The following MALRD1 variants were observed in gnomAD, a reference collection of about 807,000 sequenced individuals.
The protein encoded by MALRD1 is MAM and LDL-receptor class A domain-containing protein 1.
MALRD1 carries 247 observed loss-of-function variants against 242.1 expected under a neutral mutation model. The observed-to-expected ratio is 1.02, with a 90% CI of 0.92 to 1.13. The LOEUF (loss-of-function observed/expected upper bound fraction) is 1.13, where lower values mean the gene tolerates loss of function less well. Ranked by LOEUF, MALRD1 falls within the 50% of genes most tolerant of loss-of-function variation. The pLI, the probability that MALRD1 is intolerant of heterozygous loss-of-function variation, is 0.00. For missense variants in MALRD1, 2,989 were observed against 2,533.1 expected (o/e 1.18, Z -3.86); for synonymous variants, 995 against 866.6 (o/e 1.15, Z -2.60).
At chr10:19,130,046 T>A (rs1833035715) in intron 8 of MALRD1, among the ~76,000 whole-genome samples, 1 of 151,964 alleles carries the variant, frequency 6.6e-6, no homozygotes, top group African/African-American at 2.4e-5. Flanking sequence ...GAGATATAAT[T>A]TTCCTGGCAT....
rs200213267 is a variant in MALRD1 at position 19,276,821 on chromosome 10, C to CT, written c.3080-3217dup. On this transcript the variant is annotated intron_variant, in intron 19 of 39. Coordinates refer to ENST00000454679, the MANE Select transcript of MALRD1 (RefSeq NM_001142308.3). ...AAAGTTTCCAACCTGTTAGGATCTCCTTTTTTTTTGTGGTGTTGTCATTGG... is the reference window on the plus strand; with the variant it reads ...AAAGTTTCCAACCTGTTAGGATCTCCTTTTTTTTTTGTGGTGTTGTCATTGG... Among the ~76,000 whole-genome samples the CT allele has an allele frequency of 5.8e-3, 856 of 148,032 alleles. 13 individuals are homozygous for CT. Among genetic ancestry groups the CT allele is most frequent in the African/African-American group, 0.018 (736 of 40,200 alleles).
chr10:19,530,296 A>G (rs1362674114), intron 31 of MALRD1, among the ~76,000 whole-genome samples: 1 of 138,862 alleles, frequency 7.2e-6, no homozygotes, highest in African/African-American at 2.6e-5. Flanking sequence ...CTATATTTTG[A>G]AGGACATTGT....
At chr10:19,290,466 A>G (rs976793786) in intron 21 of MALRD1, 1 of 152,208 alleles carries the variant, frequency 6.6e-6, no homozygotes, top group Non-Finnish European at 1.5e-5. Flanking sequence ...ATTGCTCTCA[A>G]CTATAATGCA....
chr10:19,446,538 A>G (rs1340024747), intron 28 of MALRD1, among the ~76,000 whole-genome samples: 1 of 152,218 alleles, frequency 6.6e-6, no homozygotes, highest in Non-Finnish European at 1.5e-5. Context: ...ATATGTTTGT[A>G]CAATTTGAAG....
intron 21 of MALRD1, among the ~76,000 whole-genome samples, chr10:19,294,167 A>G (rs1009851803): frequency 3.3e-5 from 5 of 152,184 alleles, no homozygotes; most frequent in African/African-American, 4.8e-5. Flanking sequence ...TTAAAAATTC[A>G]TTTTCATTAT....
At chr10:19,672,490 C>T (rs1841968767) in intron 36 of MALRD1, among the ~76,000 whole-genome samples, 1 of 147,334 alleles carries the variant, frequency 6.8e-6, no homozygotes, top group Admixed American at 6.9e-5. Context: ...GTGGCAACAT[C>T]TCAGCTCACT....
chr10:19,700,028 A>G (rs1464410015), intron 38 of MALRD1, among the ~76,000 whole-genome samples: 2 of 144,360 alleles, frequency 1.4e-5, no homozygotes, highest in African/African-American at 5.3e-5. Flanking sequence ...TTAGACACAC[A>G]CACACACACA....
At chr10:19,285,494 A>G (rs1445394270) in intron 21 of MALRD1, among the ~76,000 whole-genome samples, 1 of 151,724 alleles carries the variant, frequency 6.6e-6, no homozygotes, top group Non-Finnish European at 1.5e-5. Flanking sequence ...TCCCAGCACC[A>G]TTTATTAACT....
chr10:19,709,268 A>T (rs1285275945), intron 38 of MALRD1, among the ~76,000 whole-genome samples: 3 of 130,800 alleles, frequency 2.3e-5, no homozygotes, highest in African/African-American at 9.0e-5. Context: ...AAAAAAAAAA[A>T]TACAAAAATT....
intron 18 of MALRD1, among the ~76,000 whole-genome samples, chr10:19,247,873 A>T (rs1839133059): frequency 2.6e-5 from 4 of 152,124 alleles, no homozygotes; most frequent in Non-Finnish European, 5.9e-5. Context: ...TTAATTGAGC[A>T]AGGAAAGATT....
intron 31 of MALRD1, among the ~76,000 whole-genome samples, chr10:19,505,307 T>C (rs987566723): frequency 2.0e-5 from 3 of 152,176 alleles, no homozygotes; most frequent in African/African-American, 7.2e-5. Flanking sequence ...GTGCTAATCC[T>C]AGTGTGACTA....
chr10:19,201,485 G>C (rs1264332390), intron 14 of MALRD1, among the ~76,000 whole-genome samples: 1 of 152,072 alleles, frequency 6.6e-6, no homozygotes, highest in Non-Finnish European at 1.5e-5. Context: ...AGGTAGCTAT[G>C]GGAGATAGAT....
chr10:19,393,612 AT>A (rs71387075), intron 28 of MALRD1, among the ~76,000 whole-genome samples: 3,965 of 132,350 alleles, frequency 0.03, 67 homozygotes, highest in African/African-American at 0.043. Flanking sequence ...CGCCTGGCTA[AT>A]TTTTTTTTTT....
At chr10:19,351,007 T>TAA (rs1317035174) in intron 25 of MALRD1, among the ~76,000 whole-genome samples, 1 of 150,798 alleles carries the variant, frequency 6.6e-6, no homozygotes, top group Non-Finnish European at 1.5e-5. Flanking sequence ...CATAGAATAA[T>TAA]AATTAAAGAT....
chr10:19,141,180 G>T (rs545130753), intron 10 of MALRD1, among the ~76,000 whole-genome samples: 6 of 152,152 alleles, frequency 3.9e-5, no homozygotes, highest in African/African-American at 1.4e-4. Context: ...AAAGATACAC[G>T]TTGGATCCCT....
At chr10:19,471,877 A>T (rs767835161) in intron 29 of MALRD1, among the ~76,000 whole-genome samples, 7 of 151,870 alleles carry the variant, frequency 4.6e-5, no homozygotes, top group Non-Finnish European at 7.4e-5. Context: ...AAACAGAGAC[A>T]ACTTTACTTT....
Position 19,493,677 on chromosome 10 carries a change from G to C in MALRD1, c.5158+2032G>C, listed in dbSNP as rs368945681. Among the ~76,000 whole-genome samples the C allele has an allele frequency of 2.3e-3, 353 of 150,976 alleles. 7 individuals are homozygous for C. In the East Asian group the frequency reaches 0.048, roughly 21 times the overall value. ...AAAAAAAAAAAAATTAGCCGTTCCT[G>C]GTGGTGGATGCCTGTAATCCCAGCC... On this transcript the variant is annotated intron_variant, in intron 30 of 39. Transcript: ENST00000454679.
chr10:19,463,727 T>C (rs1381695275), intron 29 of MALRD1, among the ~76,000 whole-genome samples: 2 of 152,198 alleles, frequency 1.3e-5, no homozygotes, highest in Non-Finnish European at 2.9e-5. Flanking sequence ...TCTGGGTAGA[T>C]ACCCAGTAGT....
intron 18 of MALRD1, among the ~76,000 whole-genome samples, chr10:19,256,282 T>C (rs1041061474): frequency 6.6e-6 from 1 of 152,104 alleles, no homozygotes; most frequent in African/African-American, 2.4e-5. Flanking sequence ...TTGTGCCTTT[T>C]CCCCAACTGT....
Sources: gnomAD v4.1 joint callset for allele counts (sites outside exome capture counted in the v4.1 genomes callset) on GRCh38, gnomAD v4.1.1 for gene constraint, MANE v1.5 for transcripts, NCBI Gene and HGNC (gene_info 2026-07-23, HGNC 2026-07-21) for gene names.